The following NCKAP5 variants were observed in gnomAD, a reference collection of about 807,000 sequenced individuals.
NCKAP5 encodes the protein NCK associated protein 5, also known as nck-associated protein 5.
A neutral mutation model predicts 167.0 loss-of-function variants in NCKAP5; 92 were observed. The ratio of observed to expected loss-of-function variants is 0.55; its 90% CI spans 0.47 to 0.66. NCKAP5 has a LOEUF of 0.66. Among genes scored for constraint, NCKAP5 ranks in the 30% least tolerant of loss-of-function variants. The pLI, the probability that NCKAP5 is intolerant of heterozygous loss-of-function variation, is 0.00. For missense variants in NCKAP5, 2,378 were observed against 2,315.0 expected, an observed-to-expected ratio of 1.03 and a Z score of -0.56; for synonymous variants, 891 against 877.4, an observed-to-expected ratio of 1.02 and a Z score of -0.27.
At chr2:132,919,483 A>T (rs1020263976) in intron 8 of NCKAP5, among the ~76,000 whole-genome samples, 11 of 152,146 alleles carry the variant, frequency 7.2e-5, no homozygotes, top group African/African-American at 2.7e-4. Flanking sequence ...GCTGACAGAG[A>T]GTCATTCACT....
chr2:133,254,390 G>C (rs540764413), intron 4 of NCKAP5, among the ~76,000 whole-genome samples: 1 of 152,084 alleles, frequency 6.6e-6, no homozygotes, highest in African/African-American at 2.4e-5. Context: ...ATCAGACATG[G>C]GAGTGACCCA....
intron 5 of NCKAP5, among the ~76,000 whole-genome samples, chr2:133,158,144 C>T (rs915528537): frequency 7.2e-5 from 11 of 152,148 alleles, no homozygotes; most frequent in South Asian, 2.1e-4. Flanking sequence ...AATATGCTGT[C>T]CTTCCTTTCT....
chr2:132,784,026 G>A lies in NCKAP5; in HGVS notation c.2785C>T (p.Pro929Ser), dbSNP rs371602418. 19 of 1,558,196 alleles carry A rather than the reference G, an allele frequency of 1.2e-5. No homozygotes were observed. The highest frequency in any genetic ancestry group is 1.6e-5 in the Non-Finnish European group (19 of 1,155,994). ...ACGGACCTGCCTGGAGGGGGCGGAG[G>A]GGAAGGGGATTTCACCCCTGCCTCC... is the stretch of plus-strand genomic sequence containing the variant. ...GPEAGVKSPS[P>S]PPPPGRSVSL... Residue 929 changes from proline to serine, a missense_variant, in exon 14 of 20, where the codon CCT (proline) becomes TCT (serine). Around this residue, in one of 3 missense-constraint regions of NCKAP5, gnomAD observed 1,325 missense variants for 1,274.5 expected, o/e 1.04. Coordinates refer to ENST00000409261, the MANE Select transcript of NCKAP5 (RefSeq NM_207363.3).
At chr2:133,168,797 T>G (rs1266848290) in intron 5 of NCKAP5, among the ~76,000 whole-genome samples, 1 of 152,192 alleles carries the variant, frequency 6.6e-6, no homozygotes, top group African/African-American at 2.4e-5. Flanking sequence ...CATTTGTTCT[T>G]TATGTTAATG....
chr2:133,167,215 T>C (rs1412813397), intron 5 of NCKAP5, among the ~76,000 whole-genome samples: 1 of 152,220 alleles, frequency 6.6e-6, no homozygotes, highest in Non-Finnish European at 1.5e-5. Flanking sequence ...AGTGTCAGCA[T>C]GACAGGTTAT....
At chr2:133,481,848 G>T (rs1465251755) in intron 3 of NCKAP5, among the ~76,000 whole-genome samples, 1 of 152,106 alleles carries the variant, frequency 6.6e-6, no homozygotes, top group Non-Finnish European at 1.5e-5. Flanking sequence ...TGGTCATTTA[G>T]GTTGATTCCG....
In NCKAP5 at chr2:132,784,806, C is replaced by T; in HGVS notation, c.2005G>A (p.Val669Met). Residue 669 changes from valine to methionine, a missense_variant, in exon 14 of 20, where the codon GTG (valine) becomes ATG (methionine). Val to Met is a conservative substitution (Grantham distance 21, BLOSUM62 1). Transcript: ENST00000409261. ...TCACCGTCTTCCGCATCAAATATCA[C>T]AGTCACACATTCTTCTGAAGAAGTC... ...KRTSSEECVT[V>M]IFDAEDGEPI... is the part of the protein sequence containing the mutation. 6.3e-7 allele frequency: 1 copy of T among 1,597,476 alleles called. No individual in the cohort carries two copies. The highest frequency in any genetic ancestry group is 8.5e-7 in the Non-Finnish European group (1 of 1,170,462).
At chr2:132,872,248 C>T (rs1204114490) in intron 9 of NCKAP5, among the ~76,000 whole-genome samples, 2 of 152,212 alleles carry the variant, frequency 1.3e-5, no homozygotes, top group Non-Finnish European at 2.9e-5. Flanking sequence ...AGCAGGGCTG[C>T]AGGTGAGACA....
At chr2:133,383,208 C>A (rs1468281914) in intron 3 of NCKAP5, among the ~76,000 whole-genome samples, 3 of 152,068 alleles carry the variant, frequency 2.0e-5, no homozygotes, top group African/African-American at 7.2e-5. Flanking sequence ...AATGCTATCC[C>A]TCCCCACTCC....
At chr2:133,635,314 G>A in the NCKAP5 span, among the ~76,000 whole-genome samples, 2 of 152,108 alleles carry the variant, frequency 1.3e-5, no homozygotes. Flanking sequence ...CAACTTCCAT[G>A]GCCTTTAAAA....
intron 5 of NCKAP5, among the ~76,000 whole-genome samples, chr2:133,135,300 A>G (rs4954030): frequency 6.6e-6 from 1 of 152,088 alleles, no homozygotes; most frequent in Non-Finnish European, 1.5e-5. Context: ...GCAGAGGGAG[A>G]GGCAAGTGCA....
At chr2:132,680,015 G>A (rs763472258) in intron 19 of NCKAP5, among the ~76,000 whole-genome samples, 1 of 152,040 alleles carries the variant, frequency 6.6e-6, no homozygotes, top group Non-Finnish European at 1.5e-5. Context: ...TGCATTCCTG[G>A]TGAAGCTACT....
chr2:132,970,642 C>T (rs1008344329), intron 7 of NCKAP5, among the ~76,000 whole-genome samples: 1 of 152,170 alleles, frequency 6.6e-6, no homozygotes, highest in Admixed American at 6.5e-5. Context: ...TTCACCTTGT[C>T]GCTACATAAA....
At chr2:133,409,612 G>T (rs114329564) in intron 3 of NCKAP5, among the ~76,000 whole-genome samples, 1,458 of 7,732 alleles carry the variant, frequency 0.19, 25 homozygotes, top group African/African-American at 0.38. Flanking sequence ...GTTGAGCAGG[G>T]GCTTTTGGAG....
chr2:133,574,052 C>T, the NCKAP5 span, among the ~76,000 whole-genome samples: 2 of 152,108 alleles, frequency 1.3e-5, no homozygotes, highest in African/African-American at 2.4e-5. Context: ...AATAGATAGA[C>T]TCTGAGTCCA....
chr2:133,250,624 C>T (rs368917268), intron 4 of NCKAP5, among the ~76,000 whole-genome samples: 5 of 152,310 alleles, frequency 3.3e-5, no homozygotes, highest in South Asian at 2.1e-4. Context: ...CAGGTTCTCT[C>T]GCAATTTTTA....
intron 5 of NCKAP5, among the ~76,000 whole-genome samples, chr2:133,160,576 C>T (rs1464815158): frequency 1.3e-5 from 2 of 151,664 alleles, no homozygotes; most frequent in Non-Finnish European, 2.9e-5. Context: ...TTGGGATTTA[C>T]AATCCAACCC....
chr2:132,775,962 C>G (rs1274125298), intron 15 of NCKAP5, among the ~76,000 whole-genome samples: 1 of 152,122 alleles, frequency 6.6e-6, no homozygotes, highest in African/African-American at 2.4e-5. Context: ...TCTCTGCTGG[C>G]CTGTGAAATT....
intron 8 of NCKAP5, among the ~76,000 whole-genome samples, chr2:132,888,776 C>T (rs539779784): frequency 1.2e-3 from 182 of 152,320 alleles, no homozygotes; most frequent in African/African-American, 4.1e-3. Flanking sequence ...GCTTGTACTT[C>T]GTTATATTGA....
Sources: allele counts gnomAD v4.1 joint callset (sites outside exome capture counted in the v4.1 genomes callset), GRCh38; gene constraint gnomAD v4.1.1; regional missense constraint gnomAD v4.1.1; transcripts MANE v1.5; gene names NCBI Gene and HGNC (gene_info 2026-07-23, HGNC 2026-07-21).